MGST1: variants seen among roughly 807,000 people sequenced by gnomAD.
The protein encoded by MGST1 is glutathione S-transferase 12.
In MGST1, 5 loss-of-function variants were observed where a neutral mutation model predicts 8.9. The ratio of observed to expected loss-of-function variants is 0.56; its 90% CI spans 0.29 to 1.19. The LOEUF (loss-of-function observed/expected upper bound fraction) is 1.19. Ranked by LOEUF, MGST1 falls within the 50% of genes most tolerant of loss-of-function variation. The probability of loss-of-function intolerance (pLI) is 0.08; values close to 1 mark genes in which losing one functional copy is unlikely to be tolerated. For missense variants in MGST1, 182 were observed against 187.4 expected, an observed-to-expected ratio of 0.97 and a Z score of 0.17; for synonymous variants, 54 against 67.8, an observed-to-expected ratio of 0.80 and a Z score of 1.00.
At chr12:16,502,765 C>T (rs553845661) in intron 4 of MGST1, among the ~76,000 whole-genome samples, 2 of 152,324 alleles carry the variant, frequency 1.3e-5, no homozygotes, top group South Asian at 4.1e-4. Context: ...ATATGTTACA[C>T]TAAGCATTGT....
intron 4 of MGST1, among the ~76,000 whole-genome samples, chr12:16,516,931 A>G (rs1941618780): frequency 6.6e-6 from 1 of 152,224 alleles, no homozygotes; most frequent in Admixed American, 6.5e-5. Context: ...ACAATTAGCG[A>G]GTGTGCCTAT....
chr12:16,523,968 A>G lies in MGST1; in HGVS notation n.483-65560A>G, dbSNP rs187516711. Among the ~76,000 whole-genome samples the G allele has an allele frequency of 1.9e-3, 293 of 152,212 alleles. 1 individual carries two copies. Among genetic ancestry groups the G allele is most frequent in the Middle Eastern group, 0.01 (3 of 294 alleles). On this transcript the variant is annotated intron_variant and non_coding_transcript_variant, in intron 4 of 4. Transcript: ENST00000538857. ...CGGTTTCATGCCCTTACAGCCACAC[A>G]TTATATGTCTTGTCCTACTAAGTTA...
At chr12:16,514,699 C>T (rs1028455699) in intron 4 of MGST1, among the ~76,000 whole-genome samples, 2 of 152,196 alleles carry the variant, frequency 1.3e-5, no homozygotes, top group Non-Finnish European at 2.9e-5. Context: ...CCAGAGACAA[C>T]CTTTCTGTCT....
chr12:16,443,009 T>C (rs987922604), downstream of MGST1, among the ~76,000 whole-genome samples: 1 of 151,918 alleles, frequency 6.6e-6, no homozygotes, highest in South Asian at 2.1e-4. Flanking sequence ...TTTATTAGTT[T>C]TGTTAACTCT....
At position 16,521,218 on chromosome 12, in the gene MGST1, G is replaced by C. The variant is rs1476208504; in HGVS notation, n.483-68310G>C. Among the ~76,000 whole-genome samples the C allele has an allele frequency of 1.8e-4, 28 of 152,024 alleles. 1 individual carries two copies. The highest frequency in any genetic ancestry group is 1.8e-3 in the Admixed American group (28 of 15,264). ...TGACTGAGGTTCTAAGAAATGATTC[G>C]TGTGAGGAAAATCAGTAGACTATCT... On this transcript the variant is annotated intron_variant and non_coding_transcript_variant, in intron 4 of 4. Transcript: ENST00000538857.
intron 1 of MGST1, chr12:16,399,696 T>G (rs1343636673): frequency 9.1e-6 from 12 of 1,318,030 alleles, no homozygotes; most frequent in African/African-American, 8.7e-5. Flanking sequence ...GCCCTCAGGG[T>G]CATCAACAAT....
At chr12:16,532,154 C>T (rs990664388) in intron 4 of MGST1, among the ~76,000 whole-genome samples, 2 of 152,112 alleles carry the variant, frequency 1.3e-5, no homozygotes, top group African/African-American at 4.8e-5. Context: ...TAGCAGGTGT[C>T]GAGTGTCTTT....
intron 4 of MGST1, among the ~76,000 whole-genome samples, chr12:16,562,408 T>C (rs1942438804): frequency 6.6e-6 from 1 of 152,220 alleles, no homozygotes; most frequent in African/African-American, 2.4e-5. Flanking sequence ...TTTTTAAGAA[T>C]TATTCAGTTT....
At chr12:16,382,318 T>C (rs1357285880), upstream of MGST1, among the ~76,000 whole-genome samples, 1 of 152,184 alleles carries the variant, frequency 6.6e-6, no homozygotes, top group Non-Finnish European at 1.5e-5. Context: ...GGGTTTTTGG[T>C]ATGGATGTCC....
At chr12:16,366,310 C>T (rs1045988978), downstream of MGST1, among the ~76,000 whole-genome samples, 1 of 152,060 alleles carries the variant, frequency 6.6e-6, no homozygotes, top group Admixed American at 6.5e-5. The surrounding 1 kb of genome is among the most constrained non-coding windows in gnomAD (Gnocchi z 4.0). Context: ...CTTTTACTCC[C>T]AAGAGAAGCT....
chr12:16,480,247 A>T (rs1449472881), intron 4 of MGST1, among the ~76,000 whole-genome samples: 1 of 151,520 alleles, frequency 6.6e-6, no homozygotes. Flanking sequence ...GGTTCAAGCA[A>T]TTCTCCTGCC....
chr12:16,539,836 T>G (rs922686968), intron 4 of MGST1, among the ~76,000 whole-genome samples: 2 of 152,172 alleles, frequency 1.3e-5, no homozygotes, highest in Non-Finnish European at 2.9e-5. Context: ...ATACATATAT[T>G]TTTAAAGATT....
At position 16,354,267 on chromosome 12, in the gene MGST1, C is replaced by T; in HGVS notation, c.15C>T (p.Thr5=). 4 of 1,587,584 alleles carry T rather than the reference C, an allele frequency of 2.5e-6. No homozygotes were observed. The highest frequency in any genetic ancestry group is 1.8e-5 in the Admixed American group (1 of 54,064). The change falls in exon 2 of 4, where the codon ACC becomes ACT. Residue 5 remains threonine (T), a synonymous_variant. Coordinates refer to ENST00000396210, the MANE Select transcript of MGST1 (RefSeq NM_020300.5). ...AAATTGAAAAAATGGTTGACCTCAC[C>T]CAGGTAATGGATGATGAAGTATTCA... MVDL[T]QVMDDEVFMA...
intron 4 of MGST1, among the ~76,000 whole-genome samples, chr12:16,557,366 G>T (rs1472963146): frequency 9.6e-6 from 1 of 104,480 alleles, no homozygotes; most frequent in African/African-American, 3.6e-5. Flanking sequence ...AGGTGGCAAG[G>T]ATTTTTTTTT....
intron 2 of MGST1, among the ~76,000 whole-genome samples, chr12:16,356,315 C>A (rs1031483227): frequency 1.3e-5 from 2 of 151,992 alleles, no homozygotes; most frequent in Non-Finnish European, 2.9e-5. Flanking sequence ...ACATTTATTT[C>A]TTTATTCAAC....
Position 16,586,529 on chromosome 12 carries a change from A to G in MGST1, n.483-2999A>G, listed in dbSNP as rs191230769. On this transcript the variant is annotated intron_variant and non_coding_transcript_variant, in intron 4 of 4. Transcript: ENST00000538857. The surrounding 1 kb of genome is among the most constrained non-coding windows in gnomAD (Gnocchi z 4.3). Reference sequence around the variant, plus strand: ...GTCCACAGAAAAAAATCTGTTGTATAATATTGTCAGATTCAGGCCAACTGA... The same window carrying G: ...GTCCACAGAAAAAAATCTGTTGTATGATATTGTCAGATTCAGGCCAACTGA... Among the ~76,000 whole-genome samples the G allele has an allele frequency of 1.4e-4, 22 of 152,274 alleles. No homozygotes were observed. The East Asian group carries it at 3.9e-3, about 27-fold the overall frequency.
intron 1 of MGST1, among the ~76,000 whole-genome samples, chr12:16,395,990 A>G (rs553361345): frequency 3.9e-5 from 6 of 152,120 alleles, no homozygotes; most frequent in African/African-American, 1.2e-4. Context: ...TGCTAGATCA[A>G]ATGGTAGTTC....
chr12:16,422,730 A>G (rs902228201), intron 1 of MGST1, among the ~76,000 whole-genome samples: 4 of 152,184 alleles, frequency 2.6e-5, no homozygotes, highest in African/African-American at 9.7e-5. Context: ...ACTGGATACA[A>G]GATCAGAGTT....
Position 16,357,690 on chromosome 12 carries a change from G to T in MGST1, c.212G>T (p.Arg71Leu). The T allele has an allele frequency of 6.2e-7, 1 of 1,612,520 alleles. No homozygotes were observed. Among genetic ancestry groups the T allele is most frequent in the Non-Finnish European group, 8.5e-7 (1 of 1,179,232 alleles). The change falls in exon 3 of 4, where the codon CGT (arginine) becomes CTT (leucine). Residue 71 changes from arginine (R) to leucine (L), a missense_variant. Physicochemically the swap from Arg to Leu is moderately radical, Grantham distance 102. Transcript: ENST00000396210. ...CTTCGAACAGATGACAGAGTAGAAC[G>T]TGTACGCAGGTAAACCAGTGTCTCT... ...KYLRTDDRVE[R>L]VRRAHLNDLE... is the part of the protein sequence containing the mutation.
Sources: allele counts gnomAD v4.1 joint callset (sites outside exome capture counted in the v4.1 genomes callset), GRCh38; gene constraint gnomAD v4.1.1; non-coding constraint Gnocchi (gnomAD v3.1); transcripts MANE v1.5; gene names NCBI Gene and HGNC (gene_info 2026-07-23, HGNC 2026-07-21).